The following ACBD6 variants were observed in gnomAD, a reference collection of about 807,000 sequenced individuals.
The protein encoded by ACBD6 is acyl-CoA-binding domain-containing protein 6.
A neutral mutation model predicts 37.2 loss-of-function variants in ACBD6; 28 were observed. The ratio of observed to expected loss-of-function variants is 0.75; its 90% CI spans 0.56 to 1.03. The LOEUF is 1.03. Ranked by LOEUF, ACBD6 falls within the 50% of genes least tolerant of loss-of-function variation. The pLI, the probability that ACBD6 is intolerant of heterozygous loss-of-function variation, is 0.00. For synonymous variants in ACBD6, 113 were observed against 126.8 expected (o/e 0.89, Z 0.73); for missense variants, 340 against 337.4 (o/e 1.01, Z -0.06).
At chr1:180,425,421 T>G (rs776511884) in intron 4 of ACBD6, among the ~76,000 whole-genome samples, 6 of 152,158 alleles carry the variant, frequency 3.9e-5, no homozygotes, top group Non-Finnish European at 7.3e-5. Context: ...CACCAAGGTG[T>G]TAACACAATG....
At chr1:180,292,500 CTGG>C (rs1649749041) in intron 7 of ACBD6, among the ~76,000 whole-genome samples, 1 of 151,992 alleles carries the variant, frequency 6.6e-6, no homozygotes, top group African/African-American at 2.4e-5. Context: ...TATACTATCC[CTGG>C]TGTTTTCGAA....
At chr1:180,488,442 C>T (rs892540725) in intron 3 of ACBD6, among the ~76,000 whole-genome samples, 4 of 152,124 alleles carry the variant, frequency 2.6e-5, no homozygotes, top group Non-Finnish European at 4.4e-5. Flanking sequence ...ATTTTTTACA[C>T]GTATACATAC....
At chr1:180,295,271 AT>A (rs35514630) in intron 7 of ACBD6, among the ~76,000 whole-genome samples, 85,108 of 131,844 alleles carry the variant, frequency 0.65, 29,776 homozygotes, top group Non-Finnish European at 0.82. Flanking sequence ...GCATCCTGCA[AT>A]TTTTTTTTTT....
chr1:180,285,155 A>C (rs1224187877), downstream of ACBD6, among the ~76,000 whole-genome samples: 1 of 152,148 alleles, frequency 6.6e-6, no homozygotes, highest in Non-Finnish European at 1.5e-5. Flanking sequence ...GAAAAAACCC[A>C]AAAAACGGCG....
intron 7 of ACBD6, among the ~76,000 whole-genome samples, chr1:180,312,145 T>C (rs1449421188): frequency 6.6e-6 from 1 of 152,236 alleles, no homozygotes; most frequent in African/African-American, 2.4e-5. Flanking sequence ...ATGAAAATTC[T>C]CTGAATTTGT....
At chr1:180,369,558 C>T (rs912236050) in intron 6 of ACBD6, among the ~76,000 whole-genome samples, 1 of 152,176 alleles carries the variant, frequency 6.6e-6, no homozygotes, top group African/African-American at 2.4e-5. Context: ...TAAACTAATA[C>T]CTTCTACTAC....
At chr1:180,275,132 A>AAAAAC (rs1648952481) in exon 10 of ACBD6, 1 of 152,346 alleles carries the variant, frequency 6.6e-6, no homozygotes, top group Non-Finnish European at 1.5e-5. Flanking sequence ...GTTTGATATT[A>AAAAAC]AAAACATGCC....
At chr1:180,300,045 G>A (rs1040231329) in intron 7 of ACBD6, among the ~76,000 whole-genome samples, 8 of 152,090 alleles carry the variant, frequency 5.3e-5, no homozygotes, top group Non-Finnish European at 8.8e-5. Context: ...AGTTTTAATC[G>A]GAAGGAGCCA....
chr1:180,275,189 A>G (rs1648954921), exon 10 of ACBD6: 1 of 152,236 alleles, frequency 6.6e-6, no homozygotes. Flanking sequence ...CTTTCCTACA[A>G]ACCAGAGAAT....
intron 6 of ACBD6, among the ~76,000 whole-genome samples, chr1:180,396,489 A>T (rs77529503): frequency 0.02 from 2,988 of 152,280 alleles, 99 homozygotes; most frequent in African/African-American, 0.067. Flanking sequence ...AAAAGACACC[A>T]TCAAGAAAAT....
intron 3 of ACBD6, among the ~76,000 whole-genome samples, chr1:180,444,461 G>A (rs2102017840): frequency 6.6e-6 from 1 of 152,168 alleles, no homozygotes; most frequent in East Asian, 1.9e-4. Context: ...GTTTTGTGGG[G>A]AAATAAAAAG....
At chr1:180,331,603 T>C (rs903975727) in intron 6 of ACBD6, among the ~76,000 whole-genome samples, 2 of 152,330 alleles carry the variant, frequency 1.3e-5, no homozygotes, top group Non-Finnish European at 1.5e-5. Flanking sequence ...TGAATTGGGC[T>C]ACAATATATT....
chr1:180,325,041 G>C (rs1490632821), intron 6 of ACBD6, among the ~76,000 whole-genome samples: 3 of 151,940 alleles, frequency 2.0e-5, no homozygotes, highest in African/African-American at 7.3e-5. Context: ...CTTTACCCTT[G>C]ACCTCTGGGA....
chr1:180,284,096 CT>C (rs1297229626), downstream of ACBD6, among the ~76,000 whole-genome samples: 1 of 152,134 alleles, frequency 6.6e-6, no homozygotes, highest in Non-Finnish European at 1.5e-5. Flanking sequence ...GGTTAAATAG[CT>C]TTACCTGTTC....
intron 3 of ACBD6, among the ~76,000 whole-genome samples, chr1:180,489,206 T>C (rs1324086425): frequency 6.6e-6 from 1 of 152,044 alleles, no homozygotes; most frequent in African/African-American, 2.4e-5. Context: ...GAATGAGTGT[T>C]GTTCTTATTT....
chr1:180,378,047 T>A (rs1653505943), intron 6 of ACBD6, among the ~76,000 whole-genome samples: 1 of 151,900 alleles, frequency 6.6e-6, no homozygotes, highest in African/African-American at 2.4e-5. Flanking sequence ...ACCCCATATT[T>A]ATTAACTACA....
chr1:180,435,811 C>T, intron 3 of ACBD6: 1 of 968,788 alleles, frequency 1.0e-6, no homozygotes, highest in Non-Finnish European at 1.7e-6. Flanking sequence ...TGAATAACTC[C>T]AGCCTGATGG....
At chr1:180,302,097 A>T (rs1289551886) in intron 7 of ACBD6, among the ~76,000 whole-genome samples, 1 of 151,962 alleles carries the variant, frequency 6.6e-6, no homozygotes, top group Non-Finnish European at 1.5e-5. Context: ...ATGATGAGTT[A>T]ATGGCTGCAG....
At position 180,466,967 on chromosome 1, in the gene ACBD6, A is replaced by G. The variant is rs1255875484; in HGVS notation, c.384+25302T>C. On this transcript the variant is annotated intron_variant, in intron 3 of 7. Transcript: ENST00000367595. ...GTACCTGTAAAAACATCTACAATAA[A>G]GTTTAAATTTTAGTTCCTATATGAT... Among the ~76,000 whole-genome samples the G allele has an allele frequency of 1.3e-5, 2 of 152,152 alleles. 1 individual carries two copies. The highest frequency in any genetic ancestry group is 1.3e-4 in the Admixed American group (2 of 15,278).
Sources: allele counts gnomAD v4.1 joint callset (sites outside exome capture counted in the v4.1 genomes callset), GRCh38; gene constraint gnomAD v4.1.1; transcripts MANE v1.5; gene names NCBI Gene and HGNC (gene_info 2026-07-23, HGNC 2026-07-21).